Variants in RBFOX1 observed in about 807,000 individuals in gnomAD.
RBFOX1 encodes RNA binding protein fox-1 homolog 1.
Under a neutral mutation model 57.7 loss-of-function variants are expected in RBFOX1, and 8 were observed. The observed-to-expected ratio is 0.14, with a 90% CI of 0.08 to 0.25. The LOEUF is 0.25. Ranked by LOEUF, RBFOX1 falls within the 10% of genes least tolerant of loss-of-function variation. The probability of loss-of-function intolerance (pLI) is 1.00; values close to 1 mark genes in which losing one functional copy is unlikely to be tolerated. For missense variants in RBFOX1, 611 were observed against 548.5 expected (o/e 1.11, Z -1.14); for synonymous variants, 326 against 222.4 (o/e 1.47, Z -4.15).
intron 2 of RBFOX1, among the ~76,000 whole-genome samples, chr16:6,318,506 G>A (rs534811792): frequency 6.6e-6 from 1 of 152,132 alleles, no homozygotes; most frequent in Non-Finnish European, 1.5e-5. Context: ...GGGGAGGGAT[G>A]GAGGACATAA....
chr16:5,565,639 A>C (rs1448579877), intron 2 of RBFOX1, among the ~76,000 whole-genome samples: 3 of 149,064 alleles, frequency 2.0e-5, no homozygotes, highest in Non-Finnish European at 3.0e-5. Context: ...TAAATAAATA[A>C]ATAAATAAAT....
intron 4 of RBFOX1, among the ~76,000 whole-genome samples, chr16:7,516,190 C>T (rs1239005207): frequency 6.6e-6 from 1 of 152,126 alleles, no homozygotes; most frequent in African/African-American, 2.4e-5. Context: ...GTTTTTACAG[C>T]TGCCCATCAC....
At chr16:6,117,422 G>T (rs1318710648) in intron 1 of RBFOX1, among the ~76,000 whole-genome samples, 1 of 152,204 alleles carries the variant, frequency 6.6e-6, no homozygotes, top group Non-Finnish European at 1.5e-5. Context: ...ACCTTTCATG[G>T]TTTGAATGGT....
chr16:6,434,400 G>A (rs893364224), intron 2 of RBFOX1, among the ~76,000 whole-genome samples: 2 of 151,990 alleles, frequency 1.3e-5, no homozygotes, highest in Admixed American at 6.6e-5. Flanking sequence ...GGCCATGAAG[G>A]CTCCTCAGCC....
intron 4 of RBFOX1, among the ~76,000 whole-genome samples, chr16:7,460,730 T>C (rs1310417745): frequency 1.3e-5 from 2 of 151,524 alleles, no homozygotes; most frequent in Non-Finnish European, 2.9e-5. Context: ...TTTTAAACAA[T>C]GAGATATCTA....
chr16:7,518,290 G>A lies in RBFOX1; in HGVS notation c.171G>A (p.Thr57=), dbSNP rs772780511. The A allele has an allele frequency of 4.3e-6, 7 of 1,613,966 alleles. No homozygotes were observed. The African/African-American group carries it at 9.3e-5, about 22-fold the overall frequency. ...CGCCAGAGTACACAGGCCAGACCACGGTTCCCGAGCACACATTAAACCTGT... is the reference window on the plus strand; with the variant it reads ...CGCCAGAGTACACAGGCCAGACCACAGTTCCCGAGCACACATTAAACCTGT... ...HPAPEYTGQT[T]VPEHTLNLYP... The change falls in exon 5 of 16, where the codon ACG becomes ACA. Residue 57 remains threonine, a synonymous_variant. Transcript: ENST00000550418.
At chr16:6,650,658 T>A (rs145705474) in intron 2 of RBFOX1, among the ~76,000 whole-genome samples, 62 of 152,340 alleles carry the variant, frequency 4.1e-4, no homozygotes, top group Non-Finnish European at 7.1e-4. Flanking sequence ...AACAGTCTGT[T>A]CTACATAAAA....
At position 7,353,310 on chromosome 16, in the gene RBFOX1, C is replaced by T. The variant is rs569781993; in HGVS notation, c.28-164837C>T. Reference sequence around the variant, plus strand: ...TGGCTATAATAAAAAAGATAGACAGCAAGAAGTGTCAGCAAAGATGCGGAG... The same window carrying T: ...TGGCTATAATAAAAAAGATAGACAGTAAGAAGTGTCAGCAAAGATGCGGAG... On this transcript the variant is annotated intron_variant, in intron 4 of 15. Coordinates refer to ENST00000550418, the MANE Select transcript of RBFOX1 (RefSeq NM_018723.4). Among the ~76,000 whole-genome samples, 4 of 152,178 alleles carry T rather than the reference C, an allele frequency of 2.6e-5. No homozygotes were observed. In the East Asian group the frequency reaches 7.7e-4, roughly 29 times the overall value.
chr16:5,887,364 G>T (rs886964305), intron 4 of RBFOX1, among the ~76,000 whole-genome samples: 1 of 152,096 alleles, frequency 6.6e-6, no homozygotes, highest in African/African-American at 2.4e-5. Context: ...TGCCTTCAAT[G>T]GATTTCCTTC....
chr16:7,075,621 C>A (rs566091201), intron 4 of RBFOX1, among the ~76,000 whole-genome samples: 1 of 151,968 alleles, frequency 6.6e-6, no homozygotes, highest in African/African-American at 2.4e-5. Flanking sequence ...CGCTCTGTTG[C>A]GCAGGCTGGA....
At chr16:5,508,651 A>G (rs1216853543) in intron 2 of RBFOX1, among the ~76,000 whole-genome samples, 2 of 152,052 alleles carry the variant, frequency 1.3e-5, no homozygotes, top group Non-Finnish European at 2.9e-5. Flanking sequence ...GCGATTGTAC[A>G]GAGTGCCACA....
intron 3 of RBFOX1, among the ~76,000 whole-genome samples, chr16:6,884,901 C>G (rs750149735): frequency 6.6e-6 from 1 of 152,022 alleles, no homozygotes; most frequent in East Asian, 1.9e-4. Flanking sequence ...CTCTTTCAAA[C>G]AAACAAACAA....
chr16:5,339,235 C>T (rs892020523), intron 1 of RBFOX1, among the ~76,000 whole-genome samples: 1 of 152,098 alleles, frequency 6.6e-6, no homozygotes, highest in Admixed American at 6.6e-5. Context: ...TTAGATTCCA[C>T]ATATCCATGA....
chr16:7,359,859 C>T (rs2097287476), intron 4 of RBFOX1, among the ~76,000 whole-genome samples: 3 of 152,086 alleles, frequency 2.0e-5, no homozygotes, highest in South Asian at 2.1e-4. Context: ...AGGCATGCAC[C>T]TGTAGTCCCA....
intron 1 of RBFOX1, among the ~76,000 whole-genome samples, chr16:5,296,419 C>T (rs1233430215): frequency 1.3e-5 from 2 of 152,118 alleles, no homozygotes; most frequent in East Asian, 3.9e-4. Context: ...TTTACATCCC[C>T]AGAACCCATT....
intron 2 of RBFOX1, among the ~76,000 whole-genome samples, chr16:6,540,179 GGTCT>G (rs1237982060): frequency 1.3e-5 from 2 of 151,918 alleles, no homozygotes; most frequent in Non-Finnish European, 2.9e-5. Flanking sequence ...GTGAATCTGA[GGTCT>G]ATCTTTATGT....
chr16:7,638,939 C>T (rs1271477395), intron 11 of RBFOX1, among the ~76,000 whole-genome samples: 1 of 152,032 alleles, frequency 6.6e-6, no homozygotes, highest in African/African-American at 2.4e-5. Context: ...AGTGTGCACC[C>T]TCATGTATTT....
exon 3 of RBFOX1, chr16:5,599,946 T>C (rs2047310389): frequency 6.6e-6 from 1 of 152,004 alleles, no homozygotes; most frequent in African/African-American, 2.4e-5. Context: ...GTAAGAGGAT[T>C]GCTTGAGCTC....
intron 2 of RBFOX1, among the ~76,000 whole-genome samples, chr16:6,515,232 A>G (rs149158118): frequency 6.6e-6 from 1 of 152,294 alleles, no homozygotes; most frequent in East Asian, 1.9e-4. Context: ...CTTTCTAGAT[A>G]AGGATGCTGA....
Sources: gnomAD v4.1 joint callset for allele counts (sites outside exome capture counted in the v4.1 genomes callset) on GRCh38, gnomAD v4.1.1 for gene constraint, MANE v1.5 for transcripts, NCBI Gene and HGNC (gene_info 2026-07-23, HGNC 2026-07-21) for gene names.